DNAH5: variants seen among roughly 807,000 people sequenced by gnomAD.
DNAH5 encodes dynein axonemal heavy chain 5.
A neutral mutation model predicts 518.2 loss-of-function variants in DNAH5; 372 were observed. The ratio of observed to expected loss-of-function variants is 0.72; its 90% CI spans 0.66 to 0.78. The LOEUF (loss-of-function observed/expected upper bound fraction) is 0.78. Among genes scored for constraint, DNAH5 ranks in the 30% least tolerant of loss-of-function variants. The pLI is 0.00. For missense variants in DNAH5, 5,523 were observed against 5,687.0 expected (o/e 0.97, Z 0.93); for synonymous variants, 2,039 against 2,025.9 (o/e 1.01, Z -0.17).
At chr5:13,797,842 G>A (rs1758061737) in intron 47 of DNAH5, among the ~76,000 whole-genome samples, 2 of 152,014 alleles carry the variant, frequency 1.3e-5, no homozygotes, top group Admixed American at 6.6e-5. Flanking sequence ...AAGAAAATGT[G>A]GCACATATAC....
intron 65 of DNAH5, among the ~76,000 whole-genome samples, chr5:13,748,773 T>G (rs1237143058): frequency 6.6e-6 from 1 of 152,186 alleles, no homozygotes; most frequent in Non-Finnish European, 1.5e-5. Flanking sequence ...CTTAAGGAGA[T>G]TTTGGGCTGA....
chr5:13,898,366 T>C (rs1200650650), intron 15 of DNAH5: 13 of 392,668 alleles, frequency 3.3e-5, no homozygotes, highest in Non-Finnish European at 5.8e-5. Flanking sequence ...TTAGTAAAAA[T>C]ATTATTTTCT....
chr5:13,895,621 AG>A (rs1773817503), intron 15 of DNAH5, among the ~76,000 whole-genome samples: 18 of 152,082 alleles, frequency 1.2e-4, no homozygotes, highest in African/African-American at 4.1e-4. Context: ...CAAGACCCAA[AG>A]CACACCGGGA....
chr5:13,753,385 T>C lies in DNAH5; in HGVS notation c.10720A>G (p.Ser3574Gly), dbSNP rs1554034853. The change falls in exon 63 of 79, where the codon AGT (serine) becomes GGT (glycine). Residue 3574 changes from serine to glycine, a missense_variant. Physicochemically the swap from Ser to Gly is moderately conservative, Grantham distance 56. Coordinates refer to ENST00000265104, the MANE Select transcript of DNAH5 (RefSeq NM_001369.3). ...GGCAGACCTTGGAGGTTCCATTCAC[T>C]AATAGTAGGAGCATCAATCAACATC... ...SEMLIDAPTI[S>G]EWNLQGLPND... 1 of 1,614,114 alleles carries C rather than the reference T, an allele frequency of 6.2e-7. No homozygotes were observed. The highest frequency in any genetic ancestry group is 1.7e-5 in the Admixed American group (1 of 60,020).
intron 76 of DNAH5, among the ~76,000 whole-genome samples, chr5:13,706,451 G>A (rs1388356409): frequency 6.6e-6 from 1 of 152,160 alleles, no homozygotes; most frequent in African/African-American, 2.4e-5. Context: ...AAGCCATGGG[G>A]CAGATCCAGA....
intron 31 of DNAH5, among the ~76,000 whole-genome samples, chr5:13,846,132 C>T (rs1481575023): frequency 6.6e-6 from 1 of 151,952 alleles, no homozygotes; most frequent in Non-Finnish European, 1.5e-5. Flanking sequence ...AGCCACCACA[C>T]CTGGCCCCAA....
chr5:13,884,920 A>G, intron 19 of DNAH5, 69 bp downstream of exon 19: 1 of 1,573,216 alleles, frequency 6.4e-7, no homozygotes. Context: ...ACGTGCACAC[A>G]CACACACACA....
rs566596898 is a variant in DNAH5, at chr5:13,839,287, T to C, written c.5882+69A>G. ...AGAGCCTATAAACCCTAAGAGACTTTAAGCAAAAATCCCCTGAGCAACTCG... is the reference window on the plus strand; with the variant it reads ...AGAGCCTATAAACCCTAAGAGACTTCAAGCAAAAATCCCCTGAGCAACTCG... On this transcript the variant is annotated intron_variant, in intron 35 of 78. Coordinates refer to ENST00000265104, the MANE Select transcript of DNAH5 (RefSeq NM_001369.3). 5 of 1,483,394 alleles carry C rather than the reference T, an allele frequency of 3.4e-6. No homozygotes were observed. The African/African-American group carries it at 6.9e-5, about 21-fold the overall frequency. The allele number at this position is 1,483,394 out of a possible 1,614,324, so 91.9% of individuals were successfully genotyped here.
intron 78 of DNAH5, among the ~76,000 whole-genome samples, chr5:13,697,640 C>T (rs572079115): frequency 5.3e-5 from 8 of 152,316 alleles, no homozygotes; most frequent in South Asian, 4.1e-4. Flanking sequence ...CCCATTTCCA[C>T]GTCTACCTGA....
chr5:13,820,840 A>AG (rs1203168100), intron 40 of DNAH5, among the ~76,000 whole-genome samples: 1 of 146,958 alleles, frequency 6.8e-6, no homozygotes, highest in Non-Finnish European at 1.5e-5. Context: ...AAAAAAAAAA[A>AG]AAAACACATC....
At position 13,719,007 on chromosome 5, in the gene DNAH5, G is replaced by A. The variant is rs370757783; in HGVS notation, c.12374C>T (p.Ala4125Val). 27 of 1,613,744 alleles carry A rather than the reference G, an allele frequency of 1.7e-5. No individual in the cohort carries two copies. The highest frequency in any genetic ancestry group is 2.2e-5 in the South Asian group (2 of 91,064). The change falls in exon 72 of 79, where the codon GCG becomes GTG. Residue 4125 changes from alanine to valine, a missense_variant. This residue lies in a region of DNAH5 where 5,121 missense variants were observed against 5,223.3 expected (regional missense o/e 0.98). Coordinates refer to ENST00000265104, the MANE Select transcript of DNAH5 (RefSeq NM_001369.3). The stretch of plus-strand genomic sequence containing the variant: ...CTCGGTGGTCATCCAGAGGCGGAAC[G>A]CATCATGTACAAGCTCAGTTTCTAT... ...IIIETELVHD[A>V]FRLWMTTEAH...
intron 71 of DNAH5, among the ~76,000 whole-genome samples, chr5:13,720,554 T>G (rs1744911325): frequency 6.6e-6 from 1 of 152,164 alleles, no homozygotes; most frequent in African/African-American, 2.4e-5. Flanking sequence ...AGTTAATTTT[T>G]TTTTGTAAAG....
intron 55 of DNAH5, 153 bp from the exon 56 acceptor site, chr5:13,771,133 C>T: frequency 1.5e-6 from 1 of 654,312 alleles, no homozygotes; most frequent in South Asian, 1.9e-5. Context: ...TTTTTGGCCC[C>T]AGGCCTATAA....
intron 78 of DNAH5, among the ~76,000 whole-genome samples, chr5:13,693,686 G>A (rs761038334): frequency 6.6e-6 from 1 of 152,162 alleles, no homozygotes; most frequent in Non-Finnish European, 1.5e-5. Flanking sequence ...GCACAGGACA[G>A]CTCCCCCAAA....
intron 54 of DNAH5, 77 bp from the exon 55 acceptor site, chr5:13,776,783 A>C: frequency 6.6e-7 from 1 of 1,518,178 alleles, no homozygotes; most frequent in South Asian, 1.1e-5. Context: ...TAATACACAG[A>C]ATGTCTTTTC....
chr5:13,993,130 TTTCCTTA>T (rs1783675723), intron 1 of DNAH5, among the ~76,000 whole-genome samples: 1 of 152,242 alleles, frequency 6.6e-6, no homozygotes, highest in African/African-American at 2.4e-5. Context: ...TGTCCACTTT[TTTCCTTA>T]GCGATGCCCG....
At chr5:13,840,229 C>A (rs534810013) in intron 34 of DNAH5, among the ~76,000 whole-genome samples, 10 of 152,132 alleles carry the variant, frequency 6.6e-5, no homozygotes, top group Non-Finnish European at 1.3e-4. Flanking sequence ...ATATCAGGAC[C>A]AATCTTTCAT....
chr5:13,851,936 G>A (rs997142649), intron 30 of DNAH5, among the ~76,000 whole-genome samples: 2 of 151,898 alleles, frequency 1.3e-5, no homozygotes, highest in East Asian at 1.9e-4. Flanking sequence ...AAGTAGAAGC[G>A]GGGTGGGGCG....
intron 76 of DNAH5, among the ~76,000 whole-genome samples, chr5:13,704,299 A>G (rs1742507075): frequency 2.6e-5 from 4 of 152,014 alleles, no homozygotes; most frequent in Non-Finnish European, 5.9e-5. Context: ...TTCTGCTCCC[A>G]CACTCTCTTC....
Sources: gnomAD v4.1 joint callset for allele counts (sites outside exome capture counted in the v4.1 genomes callset) on GRCh38, gnomAD v4.1.1 for gene constraint, gnomAD v4.1.1 regional missense constraint, MANE v1.5 for transcripts, NCBI Gene and HGNC (gene_info 2026-07-23, HGNC 2026-07-21) for gene names.